The following CNGA1 variants were observed in gnomAD, a reference collection of about 807,000 sequenced individuals.
CNGA1 encodes the protein cyclic nucleotide-gated channel alpha-1.
A neutral mutation model predicts 69.7 loss-of-function variants in CNGA1; 53 were observed. The observed-to-expected ratio is 0.76, with a 90% confidence interval of 0.61 to 0.96. The LOEUF (loss-of-function observed/expected upper bound fraction) is 0.96, where lower values mean the gene tolerates loss of function less well. CNGA1 is among the 40% of genes least tolerant of loss of function. CNGA1 has a pLI of 0.00. For synonymous variants in CNGA1, 249 were observed against 283.5 expected (o/e 0.88, Z 1.22); for missense variants, 739 against 811.2 (o/e 0.91, Z 1.08).
intron 3 of CNGA1, among the ~76,000 whole-genome samples, chr4:47,970,083 T>A (rs540196719): frequency 1.3e-5 from 2 of 152,286 alleles, no homozygotes; most frequent in African/African-American, 4.8e-5. Flanking sequence ...CCAAAGAGAC[T>A]ATTTACAAAG....
At chr4:47,951,085 C>T (rs187205453) in intron 5 of CNGA1, among the ~76,000 whole-genome samples, 129 of 152,278 alleles carry the variant, frequency 8.5e-4, no homozygotes, top group African/African-American at 2.7e-3. Flanking sequence ...TCCCAAGAGA[C>T]GGCATGGGTA....
chr4:48,000,657 C>T (rs569617627), intron 2 of CNGA1, among the ~76,000 whole-genome samples: 3 of 151,300 alleles, frequency 2.0e-5, no homozygotes, highest in Non-Finnish European at 4.4e-5. Flanking sequence ...TGTGAGCCAC[C>T]GTGCCCAGCA....
intron 2 of CNGA1, among the ~76,000 whole-genome samples, chr4:48,006,054 C>T (rs1286567643): frequency 6.6e-6 from 1 of 152,078 alleles, no homozygotes; most frequent in Admixed American, 6.5e-5. Flanking sequence ...AGAATCAGCA[C>T]CATTTTAGGC....
At chr4:47,956,840 G>A (rs752028355) in intron 3 of CNGA1, among the ~76,000 whole-genome samples, 1 of 152,124 alleles carries the variant, frequency 6.6e-6, no homozygotes, top group Non-Finnish European at 1.5e-5. Context: ...AGAAAATTTA[G>A]GAGAAACATT....
chr4:47,975,255 A>G (rs1284276122), intron 3 of CNGA1, among the ~76,000 whole-genome samples: 1 of 152,194 alleles, frequency 6.6e-6, no homozygotes, highest in African/African-American at 2.4e-5. Flanking sequence ...ACTAAAACAG[A>G]GCTGACAAAA....
chr4:47,962,398 T>C (rs1578089733), intron 3 of CNGA1, among the ~76,000 whole-genome samples: 3 of 145,858 alleles, frequency 2.1e-5, no homozygotes, highest in South Asian at 2.3e-4. Context: ...AAGTACCAGG[T>C]TGAATAAATA....
intron 3 of CNGA1, 156 bp from the exon 4 acceptor site, chr4:47,952,859 T>C: frequency 2.3e-6 from 1 of 436,018 alleles, no homozygotes; most frequent in Non-Finnish European, 3.8e-6. Flanking sequence ...TTAATGGACT[T>C]GTAGCTCCAC....
rs1578078302 is a variant in CNGA1, at chr4:47,952,560, C to T, written c.107+23G>A. The T allele has an allele frequency of 3.7e-6, 6 of 1,610,126 alleles. No individual in the cohort carries two copies. In the African/African-American group the frequency reaches 6.7e-5, roughly 18 times the overall value. On this transcript the variant is annotated intron_variant, in intron 4 of 10. Coordinates refer to ENST00000514170, the MANE Select transcript of CNGA1 (RefSeq NM_001379270.1). ...AGAACTGTAGCTAATAATAAAAATG[C>T]ATGGGAAAATGTTTGGATTTACCTG...
chr4:47,990,557 C>T (rs1742212905), intron 2 of CNGA1, among the ~76,000 whole-genome samples: 2 of 152,064 alleles, frequency 1.3e-5, no homozygotes, highest in Non-Finnish European at 2.9e-5. Flanking sequence ...TCTAATTTTG[C>T]CTTGCCTTGT....
At chr4:47,948,544 C>T (rs1265760982) in intron 6 of CNGA1, among the ~76,000 whole-genome samples, 2 of 152,086 alleles carry the variant, frequency 1.3e-5, no homozygotes, top group Admixed American at 6.5e-5. Context: ...ATGCATCTGC[C>T]AGGGAATGCC....
At chr4:47,974,167 AG>A (rs1741221661) in intron 3 of CNGA1, among the ~76,000 whole-genome samples, 1 of 148,342 alleles carries the variant, frequency 6.7e-6, no homozygotes, top group Non-Finnish European at 1.5e-5. Flanking sequence ...AATTTAAAAA[AG>A]AAAAAGCAAA....
chr4:47,973,672 T>G (rs1419410374), intron 3 of CNGA1, among the ~76,000 whole-genome samples: 2 of 152,172 alleles, frequency 1.3e-5, no homozygotes, highest in East Asian at 3.9e-4. Flanking sequence ...GAAGGTATTC[T>G]AATCCACCAA....
intron 3 of CNGA1, among the ~76,000 whole-genome samples, chr4:47,970,452 GCCAGCCTGA>G (rs1740953422): frequency 6.6e-6 from 1 of 151,666 alleles, no homozygotes; most frequent in South Asian, 2.1e-4. Context: ...GGATTTCGAG[GCCAGCCTGA>G]CCAACATGGT....
chr4:47,959,023 G>A (rs561503033), intron 3 of CNGA1: 7 of 152,062 alleles, frequency 4.6e-5, no homozygotes, highest in Non-Finnish European at 5.9e-5. Flanking sequence ...ATTGTTTATA[G>A]AGAAATTAAC....
intron 2 of CNGA1, among the ~76,000 whole-genome samples, chr4:47,987,680 T>C (rs1270798475): frequency 6.6e-6 from 1 of 152,094 alleles, no homozygotes; most frequent in Non-Finnish European, 1.5e-5. Flanking sequence ...AATAAATATA[T>C]AAGCACTCAG....
intron 3 of CNGA1, among the ~76,000 whole-genome samples, chr4:47,964,428 T>C (rs1476719584): frequency 1.3e-5 from 2 of 152,182 alleles, no homozygotes; most frequent in African/African-American, 2.4e-5. Flanking sequence ...ACTTGGAATT[T>C]TTTTTTATTA....
At chr4:47,998,620 CA>C (rs11310199) in intron 2 of CNGA1, among the ~76,000 whole-genome samples, 26,625 of 151,558 alleles carry the variant, frequency 0.18, 2,517 homozygotes, top group Middle Eastern at 0.24. Context: ...ACTAAAAATA[CA>C]AAAAAAATTA....
At chr4:47,954,878 T>C (rs2110165216) in intron 3 of CNGA1, among the ~76,000 whole-genome samples, 1 of 152,296 alleles carries the variant, frequency 6.6e-6, no homozygotes, top group African/African-American at 2.4e-5. Context: ...ACTATGCAAA[T>C]TTATTTGGAT....
At position 47,936,358 on chromosome 4, in the gene CNGA1, A is replaced by G. The variant is rs1432978470; in HGVS notation, c.*63T>C. ...TTCCTCTTCTTTTAAATTTTAGTTG[A>G]TGTCAGTCATAGGATCAAAAGGATC... On this transcript the variant is annotated 3_prime_UTR_variant, in exon 11 of 11. Transcript: ENST00000514170. 3.8e-6 allele frequency: 6 copies of G among 1,559,390 alleles called. No individual in the cohort carries two copies. The highest frequency in any genetic ancestry group is 5.3e-6 in the Non-Finnish European group (6 of 1,131,436).
Sources: allele counts gnomAD v4.1 joint callset (sites outside exome capture counted in the v4.1 genomes callset), GRCh38; gene constraint gnomAD v4.1.1; transcripts MANE v1.5; gene names NCBI Gene and HGNC (gene_info 2026-07-23, HGNC 2026-07-21).